PTPRD: variants seen among roughly 807,000 people sequenced by gnomAD.
PTPRD encodes the protein protein tyrosine phosphatase receptor type D, also known as receptor-type tyrosine-protein phosphatase delta.
A neutral mutation model predicts 214.5 loss-of-function variants in PTPRD; 34 were observed. That is an observed-to-expected ratio of 0.16 (90% CI 0.12 to 0.21). The LOEUF (loss-of-function observed/expected upper bound fraction) is 0.21, where lower values mean the gene tolerates loss of function less well. Among genes scored for constraint, PTPRD ranks in the 10% least tolerant of loss-of-function variants. PTPRD has a pLI of 1.00. For synonymous variants in PTPRD, 1,128 were observed against 845.7 expected (o/e 1.33, Z -5.79); for missense variants, 2,545 against 2,398.7 (o/e 1.06, Z -1.27).
intron 3 of PTPRD, among the ~76,000 whole-genome samples, chr9:10,203,242 T>A (rs980320782): frequency 6.6e-6 from 1 of 151,576 alleles, no homozygotes; most frequent in Non-Finnish European, 1.5e-5. Flanking sequence ...GGTTTTTACC[T>A]GACGGCTTGG....
chr9:9,724,588 G>A (rs1232490574), intron 7 of PTPRD, among the ~76,000 whole-genome samples: 2 of 152,106 alleles, frequency 1.3e-5, no homozygotes, highest in African/African-American at 2.4e-5. Context: ...ATCCTTAAGT[G>A]GATGAAAGAA....
intron 11 of PTPRD, among the ~76,000 whole-genome samples, chr9:8,759,290 G>A (rs2094245802): frequency 6.6e-6 from 1 of 152,092 alleles, no homozygotes; most frequent in South Asian, 2.1e-4. Context: ...GGCCTCAAGT[G>A]ATCTTCCTGC....
intron 36 of PTPRD, among the ~76,000 whole-genome samples, chr9:8,403,906 C>G (rs1041223049): frequency 2.0e-5 from 3 of 152,160 alleles, no homozygotes; most frequent in Admixed American, 2.0e-4. Flanking sequence ...TGACAATCAC[C>G]TGTTCATTCA....
intron 10 of PTPRD, among the ~76,000 whole-genome samples, chr9:9,062,149 T>C (rs1483807250): frequency 6.6e-6 from 1 of 152,192 alleles, no homozygotes; most frequent in Admixed American, 6.5e-5. Context: ...AAAATTTTAC[T>C]TACACTGTTT....
At chr9:9,761,443 T>C (rs1009726810) in intron 6 of PTPRD, among the ~76,000 whole-genome samples, 5 of 152,110 alleles carry the variant, frequency 3.3e-5, no homozygotes, top group African/African-American at 1.2e-4. Flanking sequence ...ACCTGTCAAA[T>C]GCTCGTAGTG....
intron 7 of PTPRD, among the ~76,000 whole-genome samples, chr9:9,689,670 C>A (rs1163516227): frequency 4.0e-5 from 6 of 151,880 alleles, no homozygotes; most frequent in African/African-American, 1.2e-4. Flanking sequence ...CCTCTGCTAA[C>A]CAGCAATATA....
chr9:9,692,326 GT>G (rs992291584), intron 7 of PTPRD, among the ~76,000 whole-genome samples: 3 of 152,098 alleles, frequency 2.0e-5, no homozygotes, highest in Middle Eastern at 3.4e-3. Context: ...TAGGGATAAA[GT>G]TTCATTCTTC....
chr9:10,371,537 T>A (rs1395048666), intron 2 of PTPRD, among the ~76,000 whole-genome samples: 2 of 152,068 alleles, frequency 1.3e-5, no homozygotes, highest in Non-Finnish European at 2.9e-5. Context: ...TATCTGTCTG[T>A]TGAGTCCTCT....
rs543558767 is a variant in PTPRD at position 9,846,414 on chromosome 9, C to T, written c.-367-79563G>A. The stretch of plus-strand genomic sequence containing the variant: ...ATATGAAGATACATAGCTACACTCT[C>T]GAGACTTTATCTTTAGAGAAATTAA... On this transcript the variant is annotated intron_variant, in intron 5 of 45. Coordinates refer to ENST00000381196, the MANE Select transcript of PTPRD (RefSeq NM_002839.4). Among the ~76,000 whole-genome samples the T allele has an allele frequency of 4.3e-4, 65 of 152,198 alleles. 1 individual carries two copies. The highest frequency in any genetic ancestry group is 1.3e-3 in the African/African-American group (53 of 41,558).
At chr9:9,623,900 A>C (rs566700348) in intron 7 of PTPRD, among the ~76,000 whole-genome samples, 1 of 152,290 alleles carries the variant, frequency 6.6e-6, no homozygotes, top group Admixed American at 6.5e-5. Flanking sequence ...CCCAAAACTA[A>C]AATTTTGAGG....
At chr9:9,229,915 A>C (rs2099962007) in intron 9 of PTPRD, among the ~76,000 whole-genome samples, 2 of 152,170 alleles carry the variant, frequency 1.3e-5, no homozygotes, top group Admixed American at 1.3e-4. Flanking sequence ...AAAATAGAGA[A>C]AGAATAGGGA....
intron 3 of PTPRD, among the ~76,000 whole-genome samples, chr9:10,197,475 C>G (rs1439732972): frequency 6.6e-6 from 1 of 152,078 alleles, no homozygotes; most frequent in Non-Finnish European, 1.5e-5. Context: ...GGCATTACTC[C>G]CTATATAATT....
intron 3 of PTPRD, among the ~76,000 whole-genome samples, chr9:10,160,161 T>A (rs1263843327): frequency 6.6e-6 from 1 of 151,766 alleles, no homozygotes; most frequent in East Asian, 1.9e-4. Context: ...TCCATACAAC[T>A]GGAAACCAAA....
intron 9 of PTPRD, among the ~76,000 whole-genome samples, chr9:9,271,420 C>G (rs1460085800): frequency 6.6e-6 from 1 of 151,224 alleles, no homozygotes; most frequent in African/African-American, 2.4e-5. Context: ...AAAAATCCCC[C>G]ATTTCATTCC....
chr9:10,455,967 C>G (rs1319120995), intron 2 of PTPRD, among the ~76,000 whole-genome samples: 4 of 151,694 alleles, frequency 2.6e-5, no homozygotes, highest in Non-Finnish European at 5.9e-5. Context: ...TCTTCTATTT[C>G]TGTTTTAATT....
At chr9:9,315,205 G>T (rs563234614) in intron 9 of PTPRD, among the ~76,000 whole-genome samples, 1 of 151,818 alleles carries the variant, frequency 6.6e-6, no homozygotes, top group Non-Finnish European at 1.5e-5. Context: ...CAAGCTTATT[G>T]TGTTGTAATA....
intron 9 of PTPRD, among the ~76,000 whole-genome samples, chr9:9,305,064 C>T (rs958897742): frequency 4.0e-5 from 6 of 150,550 alleles, no homozygotes; most frequent in Non-Finnish European, 8.9e-5. Context: ...CTAGTCCCTT[C>T]AATTCCTGAG....
intron 7 of PTPRD, among the ~76,000 whole-genome samples, chr9:9,576,439 C>A (rs534010413): frequency 6.6e-6 from 1 of 152,244 alleles, no homozygotes; most frequent in East Asian, 1.9e-4. Context: ...CTTTCATTAA[C>A]CCTCCAGGAG....
At chr9:8,358,062 G>A (rs2077422073) in intron 39 of PTPRD, among the ~76,000 whole-genome samples, 2 of 152,092 alleles carry the variant, frequency 1.3e-5, no homozygotes, top group Admixed American at 1.3e-4. Flanking sequence ...TATGACTCCT[G>A]GCATCGTTTT....
Sources: allele counts gnomAD v4.1 joint callset (sites outside exome capture counted in the v4.1 genomes callset), GRCh38; gene constraint gnomAD v4.1.1; transcripts MANE v1.5; gene names NCBI Gene and HGNC (gene_info 2026-07-23, HGNC 2026-07-21).